Variants in ANKRD31 observed in about 807,000 individuals in gnomAD.
ANKRD31 encodes ankyrin repeat domain-containing protein 31.
In ANKRD31, 147 loss-of-function variants were observed where a neutral mutation model predicts 186.0. The ratio of observed to expected loss-of-function variants is 0.79; its 90% CI spans 0.69 to 0.91. The LOEUF (loss-of-function observed/expected upper bound fraction) is 0.91, where lower values mean the gene tolerates loss of function less well. Among genes scored for constraint, ANKRD31 ranks in the 40% least tolerant of loss-of-function variants. ANKRD31 has a pLI of 0.00. For missense variants in ANKRD31, 1,986 were observed against 2,148.8 expected, an observed-to-expected ratio of 0.92 and a Z score of 1.50; for synonymous variants, 673 against 736.4, an observed-to-expected ratio of 0.91 and a Z score of 1.39.
intron 10 of ANKRD31, among the ~76,000 whole-genome samples, chr5:75,186,358 C>T (rs6889429): frequency 0.51 from 77,274 of 152,044 alleles, 22,699 homozygotes; most frequent in African/African-American, 0.82. Flanking sequence ...AATGTAGCCA[C>T]CGTTAACACT....
intron 17 of ANKRD31, among the ~76,000 whole-genome samples, chr5:75,119,646 C>T (rs1243098558): frequency 1.3e-5 from 2 of 152,116 alleles, no homozygotes; most frequent in East Asian, 1.9e-4. Flanking sequence ...AATGGTAGTT[C>T]CAAGTTCTCT....
intron 3 of ANKRD31, among the ~76,000 whole-genome samples, chr5:75,217,590 C>A (rs1339068236): frequency 6.6e-6 from 1 of 151,890 alleles, no homozygotes; most frequent in African/African-American, 2.4e-5. Context: ...CTGCTTTTTT[C>A]TGTTTTCTAT....
chr5:75,158,399 C>T (rs1468933279), intron 11 of ANKRD31, among the ~76,000 whole-genome samples: 1 of 152,158 alleles, frequency 6.6e-6, no homozygotes, highest in Admixed American at 6.5e-5. Context: ...ATAGACTTCA[C>T]AACTTATCAA....
chr5:75,123,960 G>T (rs1748999864), intron 17 of ANKRD31, among the ~76,000 whole-genome samples: 1 of 151,936 alleles, frequency 6.6e-6, no homozygotes, highest in Non-Finnish European at 1.5e-5. Flanking sequence ...GCTTCTGCAT[G>T]GCAAAGGGAA....
At chr5:75,085,971 C>T (rs1269056827) in intron 23 of ANKRD31, among the ~76,000 whole-genome samples, 1 of 152,128 alleles carries the variant, frequency 6.6e-6, no homozygotes, top group Non-Finnish European at 1.5e-5. Flanking sequence ...ATGGAACAGA[C>T]CTGGCCTACT....
Position 75,104,557 on chromosome 5 carries a change from A to T in ANKRD31, c.5002T>A (p.Ser1668Thr). The T allele has an allele frequency of 6.5e-7, 1 of 1,536,716 alleles. No homozygotes were observed. Residue 1668 changes from serine (S) to threonine (T), a missense_variant, in exon 22 of 26, where the codon TCC (serine) becomes ACC (threonine). Transcript: ENST00000506364. ...PSNIICDQDL[S>T]NYDPKRGNRK... ...TTTCCTCTTTTGGGATCATAATTGG[A>T]AAGGTCCTGATCACAAATAATATTT...
At chr5:75,089,298 T>G (rs1443877797) in intron 23 of ANKRD31, among the ~76,000 whole-genome samples, 1 of 152,196 alleles carries the variant, frequency 6.6e-6, no homozygotes, top group African/African-American at 2.4e-5. Flanking sequence ...TTGGCAAAGC[T>G]GTTCAGCAAC....
At chr5:75,076,497 G>C (rs754440270) in intron 25 of ANKRD31, among the ~76,000 whole-genome samples, 1 of 152,212 alleles carries the variant, frequency 6.6e-6, no homozygotes, top group Admixed American at 6.5e-5. Context: ...CTCTGGGCAT[G>C]CCACTCTCCC....
chr5:75,076,427 G>T (rs1219790877), intron 25 of ANKRD31, among the ~76,000 whole-genome samples: 1 of 152,150 alleles, frequency 6.6e-6, no homozygotes, highest in Non-Finnish European at 1.5e-5. Flanking sequence ...TATTATAGAA[G>T]ATACAACTCA....
intron 11 of ANKRD31, among the ~76,000 whole-genome samples, chr5:75,168,250 ATCT>A (rs1032401821): frequency 1.3e-5 from 2 of 152,102 alleles, no homozygotes; most frequent in Non-Finnish European, 2.9e-5. Flanking sequence ...GGCAGAACAA[ATCT>A]TCTTAATCCC....
At chr5:75,215,994 T>G (rs759370392) in intron 3 of ANKRD31, among the ~76,000 whole-genome samples, 1 of 152,156 alleles carries the variant, frequency 6.6e-6, no homozygotes, top group Non-Finnish European at 1.5e-5. Context: ...TTGCTACAGA[T>G]GTTCACATAC....
chr5:75,112,669 A>G (rs1256539714), intron 19 of ANKRD31, 69 bp from the exon 20 acceptor site: 4 of 944,770 alleles, frequency 4.2e-6, no homozygotes, highest in Non-Finnish European at 6.0e-6. Context: ...GCCATTGACA[A>G]ACACAGAGTA....
chr5:75,101,544 T>C (rs374450382), intron 22 of ANKRD31, among the ~76,000 whole-genome samples: 33 of 152,268 alleles, frequency 2.2e-4, no homozygotes, highest in African/African-American at 7.7e-4. Flanking sequence ...CCATTCTCCC[T>C]CCCGTCACTT....
At chr5:75,080,188 A>G (rs1288691502) in intron 25 of ANKRD31, among the ~76,000 whole-genome samples, 2 of 152,208 alleles carry the variant, frequency 1.3e-5, no homozygotes, top group South Asian at 2.1e-4. Context: ...TTCACCACAA[A>G]TTCCATTATA....
intron 4 of ANKRD31, among the ~76,000 whole-genome samples, chr5:75,207,601 A>G (rs1309922859): frequency 6.6e-6 from 1 of 152,138 alleles, no homozygotes; most frequent in East Asian, 1.9e-4. Flanking sequence ...TAAAAACATT[A>G]TGACACAAGA....
At chr5:75,127,202 T>A (rs919231359) in intron 17 of ANKRD31, among the ~76,000 whole-genome samples, 4 of 142,894 alleles carry the variant, frequency 2.8e-5, no homozygotes, top group African/African-American at 1.1e-4. Context: ...AAAAAAAAAA[T>A]CAACTGAACA....
intron 10 of ANKRD31, among the ~76,000 whole-genome samples, chr5:75,169,499 AT>A (rs1753166087): frequency 6.6e-6 from 1 of 152,190 alleles, no homozygotes; most frequent in Non-Finnish European, 1.5e-5. Context: ...AGGTACTTCC[AT>A]TAAAGTATCC....
chr5:75,236,866 G>T lies in ANKRD31; in HGVS notation c.-180C>A, dbSNP rs375392181. 0.011 allele frequency: 5,291 copies of T among 472,264 alleles called. 66 individuals carry two copies. Among genetic ancestry groups the T allele is most frequent in the Middle Eastern group, 0.026 (44 of 1,690 alleles). The allele number at this position is 472,264 out of a possible 1,614,324, so 29.3% of individuals were successfully genotyped here. ...GGACGCAGGCGGCCGCGAGCGCGGC[G>T]GGGTAGCAGTCTGCGAGGCGGCCCG... On this transcript the variant is annotated 5_prime_UTR_variant, in exon 1 of 26. Transcript: ENST00000506364.
intron 10 of ANKRD31, among the ~76,000 whole-genome samples, chr5:75,176,013 G>C (rs1255489635): frequency 6.6e-6 from 1 of 152,118 alleles, no homozygotes; most frequent in Non-Finnish European, 1.5e-5. Context: ...ACGGCACCTG[G>C]AAAATTGGGT....
Sources: gnomAD v4.1 joint callset for allele counts (sites outside exome capture counted in the v4.1 genomes callset) on GRCh38, gnomAD v4.1.1 for gene constraint, MANE v1.5 for transcripts, NCBI Gene and HGNC (gene_info 2026-07-23, HGNC 2026-07-21) for gene names.